The following MTCL2 variants were observed in gnomAD, a reference collection of about 807,000 sequenced individuals.
The protein encoded by MTCL2 is microtubule crosslinking factor 2.
At chr20:36,815,807 G>T in the MTCL2 span, 1 of 1,593,254 alleles carries the variant, frequency 6.3e-7, no homozygotes, top group Non-Finnish European at 8.5e-7. This position sits in a 1 kb window ranked among gnomAD's most constrained non-coding sequence, Gnocchi z 5.3. Flanking sequence ...AGCGGAACTT[G>T]GCCAGCTCGT....
the MTCL2 span, among the ~76,000 whole-genome samples, chr20:36,799,095 A>G: frequency 1.3e-5 from 2 of 152,118 alleles, no homozygotes; most frequent in East Asian, 1.9e-4. Context: ...GCAGCTCACA[A>G]CTATAATCCC....
chr20:36,838,795 C>A, the MTCL2 span, among the ~76,000 whole-genome samples: 1 of 152,024 alleles, frequency 6.6e-6, no homozygotes, highest in Non-Finnish European at 1.5e-5. Context: ...TGGTGAAACC[C>A]TGTCTCTACT....
the MTCL2 span, among the ~76,000 whole-genome samples, chr20:36,807,424 C>T: frequency 6.6e-6 from 1 of 152,130 alleles, no homozygotes; most frequent in South Asian, 2.1e-4. Context: ...GGGCTAGACT[C>T]GAGGTACCTG....
At chr20:36,810,717 CCTCT>C in the MTCL2 span, among the ~76,000 whole-genome samples, 5,645 of 94,154 alleles carry the variant, frequency 0.06, 436 homozygotes, top group African/African-American at 0.19. Flanking sequence ...TCTCTCTCTC[CCTCT>C]CTCTCTCTCT....
the MTCL2 span, among the ~76,000 whole-genome samples, chr20:36,843,891 T>C: frequency 6.6e-6 from 1 of 152,106 alleles, no homozygotes; most frequent in African/African-American, 2.4e-5. Context: ...AGCACTAGAG[T>C]CATTTTTGGA....
At chr20:36,780,894 T>C in the MTCL2 span, 1 of 152,180 alleles carries the variant, frequency 6.6e-6, no homozygotes, top group Non-Finnish European at 1.5e-5. Flanking sequence ...ATGCTATAAA[T>C]TAGTAGAAGA....
the MTCL2 span, among the ~76,000 whole-genome samples, chr20:36,808,293 T>C: frequency 2.0e-5 from 3 of 150,310 alleles, no homozygotes; most frequent in Admixed American, 2.0e-4. Flanking sequence ...GAGATGGAGA[T>C]TGCAGCAGGC....
the MTCL2 span, among the ~76,000 whole-genome samples, chr20:36,846,853 C>CA: frequency 6.6e-6 from 1 of 152,152 alleles, no homozygotes; most frequent in East Asian, 1.9e-4. Flanking sequence ...CAAAAAAATA[C>CA]AAAAAAATTA....
At chr20:36,787,778 C>T in the MTCL2 span, among the ~76,000 whole-genome samples, 651 of 146,314 alleles carry the variant, frequency 4.4e-3, 7 homozygotes, top group African/African-American at 0.016. Flanking sequence ...CCCAGCTACT[C>T]GGGAGGCTAG....
At chr20:36,863,441 G>GGGCTGC in the MTCL2 span, 6 of 944,858 alleles carry the variant, frequency 6.4e-6, no homozygotes, top group East Asian at 2.2e-4. The surrounding 1 kb of genome is among the most constrained non-coding windows in gnomAD (Gnocchi z 6.2). Context: ...CCGGCCGCTG[G>GGGCTGC]GGCTGCGGCT....
chr20:36,844,394 AAAAAAAAATAATAAT>A, the MTCL2 span, among the ~76,000 whole-genome samples: 1 of 145,344 alleles, frequency 6.9e-6, no homozygotes, highest in Admixed American at 6.8e-5. Context: ...CATCTCTACA[AAAAAAAAATAATAAT>A]AATAATAATA....
At chr20:36,819,439 C>T in the MTCL2 span, among the ~76,000 whole-genome samples, 1 of 152,108 alleles carries the variant, frequency 6.6e-6, no homozygotes, top group African/African-American at 2.4e-5. Flanking sequence ...GACAGAGGGG[C>T]AGGGACTTGT....
At chr20:36,844,404 AATAAT>A in the MTCL2 span, among the ~76,000 whole-genome samples, 7 of 149,098 alleles carry the variant, frequency 4.7e-5, no homozygotes, top group Non-Finnish European at 7.4e-5. Flanking sequence ...AAAAAAAAAT[AATAAT>A]AATAATAATA....
the MTCL2 span, chr20:36,803,192 G>A: frequency 1.9e-5 from 28 of 1,478,198 alleles, no homozygotes; most frequent in African/African-American, 2.8e-5. Flanking sequence ...GGGTGCCAGC[G>A]GGGAAAAGGG....
chr20:36,837,117 T>C, the MTCL2 span, among the ~76,000 whole-genome samples: 2 of 152,122 alleles, frequency 1.3e-5, no homozygotes, highest in East Asian at 3.9e-4. Flanking sequence ...CCTTCCTCTT[T>C]CCCCCTTCCT....
the MTCL2 span, chr20:36,804,953 G>C: frequency 6.3e-7 from 1 of 1,586,312 alleles, no homozygotes. Flanking sequence ...GGGTAGGGAG[G>C]GGAACCTGGG....
the MTCL2 span, among the ~76,000 whole-genome samples, chr20:36,836,871 G>A: frequency 2.0e-5 from 3 of 152,260 alleles, no homozygotes; most frequent in East Asian, 1.9e-4. Context: ...CACAGGGGGC[G>A]CCAGCAGCTT....
At chr20:36,805,988 G>C in the MTCL2 span, 7 of 1,572,682 alleles carry the variant, frequency 4.5e-6, no homozygotes, top group African/African-American at 6.8e-5. Flanking sequence ...TTAACAGCAG[G>C]TGGGAAGTTT....
At chr20:36,822,425 G>A in the MTCL2 span, among the ~76,000 whole-genome samples, 11 of 152,226 alleles carry the variant, frequency 7.2e-5, no homozygotes, top group Admixed American at 2.6e-4. Flanking sequence ...TTCCCCACTC[G>A]CCAGCAACTC....
Sources: gnomAD v4.1 joint callset for allele counts (sites outside exome capture counted in the v4.1 genomes callset) on GRCh38, gnomAD v4.1.1 for gene constraint, Gnocchi (gnomAD v3.1) non-coding constraint, MANE v1.5 for transcripts, NCBI Gene and HGNC (gene_info 2026-07-23, HGNC 2026-07-21) for gene names.